Variants in PDE4D observed in about 807,000 individuals in gnomAD.
The protein encoded by PDE4D is 3',5'-cyclic-AMP phosphodiesterase 4D.
A neutral mutation model predicts 87.4 loss-of-function variants in PDE4D; 24 were observed. The observed-to-expected ratio is 0.27, with a 90% CI of 0.20 to 0.39. PDE4D has a LOEUF of 0.39. Among genes scored for constraint, PDE4D ranks in the 10% least tolerant of loss-of-function variants. The pLI is 1.00. For synonymous variants in PDE4D, 384 were observed against 383.2 expected (o/e 1.00, Z -0.02); for missense variants, 714 against 1,041.0 (o/e 0.69, Z 4.32).
chr5:59,680,486 A>C (rs1207931142), intron 1 of PDE4D, among the ~76,000 whole-genome samples: 1 of 152,190 alleles, frequency 6.6e-6, no homozygotes, highest in Non-Finnish European at 1.5e-5. Context: ...ATTCCAGATT[A>C]ATCGATTCAA....
intron 2 of PDE4D, among the ~76,000 whole-genome samples, chr5:60,102,836 C>A (rs541789565): frequency 9.9e-5 from 15 of 152,228 alleles, no homozygotes; most frequent in African/African-American, 3.4e-4. Context: ...CCATGACCAA[C>A]CAGAAGATAT....
intron 1 of PDE4D, among the ~76,000 whole-genome samples, chr5:59,290,191 A>T (rs1767749652): frequency 6.6e-6 from 1 of 152,040 alleles, no homozygotes; most frequent in African/African-American, 2.4e-5. Flanking sequence ...ATGAAACTAT[A>T]AAAGACTCAA....
intron 1 of PDE4D, among the ~76,000 whole-genome samples, chr5:59,352,047 G>A (rs904251738): frequency 6.6e-6 from 1 of 152,106 alleles, no homozygotes; most frequent in African/African-American, 2.4e-5. Flanking sequence ...TGCTCTGCCT[G>A]GTTTCCTCAT....
intron 2 of PDE4D, among the ~76,000 whole-genome samples, chr5:60,059,271 A>T (rs1035017349): frequency 2.6e-5 from 4 of 151,902 alleles, no homozygotes; most frequent in African/African-American, 9.7e-5. Flanking sequence ...TCTAGTAGCA[A>T]CTTCTCTAAT....
intron 5 of PDE4D, among the ~76,000 whole-genome samples, chr5:59,069,614 T>C (rs1041059637): frequency 7.9e-5 from 12 of 151,796 alleles, no homozygotes; most frequent in African/African-American, 2.9e-4. Flanking sequence ...CAGCTAGTAC[T>C]TGCAGAAAAT....
chr5:59,308,732 G>C (rs1242616625), intron 1 of PDE4D, among the ~76,000 whole-genome samples: 1 of 152,024 alleles, frequency 6.6e-6, no homozygotes, highest in Admixed American at 6.6e-5. Flanking sequence ...TTTTGTGCTG[G>C]CTGGTCTCCT....
At chr5:59,527,911 T>C (rs779094836) in intron 1 of PDE4D, among the ~76,000 whole-genome samples, 21 of 152,234 alleles carry the variant, frequency 1.4e-4, no homozygotes, top group Non-Finnish European at 1.9e-4. Context: ...TAAGAAAAAT[T>C]AGTTTTTTAT....
chr5:60,280,230 T>C (rs1562283670), intron 1 of PDE4D, among the ~76,000 whole-genome samples: 1 of 151,944 alleles, frequency 6.6e-6, no homozygotes, highest in African/African-American at 2.4e-5. Context: ...GCAATTAATA[T>C]GTTTTTCTTT....
At chr5:59,106,343 TTGAC>T (rs1489570629) in intron 5 of PDE4D, among the ~76,000 whole-genome samples, 4 of 152,242 alleles carry the variant, frequency 2.6e-5, no homozygotes, top group African/African-American at 9.6e-5. Flanking sequence ...GCTTATGTGT[TTGAC>T]TGATGATGTT....
chr5:59,441,612 G>A (rs1797626173), intron 1 of PDE4D, among the ~76,000 whole-genome samples: 1 of 152,168 alleles, frequency 6.6e-6, no homozygotes, highest in Admixed American at 6.5e-5. Flanking sequence ...CACCCCAGGT[G>A]TGATATGACG....
chr5:60,302,558 T>C (rs1753997744), intron 1 of PDE4D, among the ~76,000 whole-genome samples: 1 of 152,184 alleles, frequency 6.6e-6, no homozygotes, highest in Non-Finnish European at 1.5e-5. Context: ...TCCTTCTCTC[T>C]TTTATTCTTT....
chr5:59,467,822 A>C (rs1317734174), intron 1 of PDE4D, among the ~76,000 whole-genome samples: 1 of 152,232 alleles, frequency 6.6e-6, no homozygotes, highest in Non-Finnish European at 1.5e-5. Context: ...TCATTTATCC[A>C]GATTATACAC....
intron 1 of PDE4D, among the ~76,000 whole-genome samples, chr5:60,375,572 G>A (rs1761367215): frequency 6.6e-6 from 1 of 152,162 alleles, no homozygotes; most frequent in Admixed American, 6.5e-5. Flanking sequence ...GTGACTATGT[G>A]TAAATTTGAA....
At chr5:60,100,113 T>C (rs559627594) in intron 2 of PDE4D, among the ~76,000 whole-genome samples, 2 of 151,962 alleles carry the variant, frequency 1.3e-5, no homozygotes, top group African/African-American at 2.4e-5. Flanking sequence ...AAAAAATCTT[T>C]AGTATGTTTT....
intron 1 of PDE4D, among the ~76,000 whole-genome samples, chr5:59,343,297 T>C (rs1779070991): frequency 6.6e-6 from 1 of 152,182 alleles, no homozygotes; most frequent in East Asian, 1.9e-4. Flanking sequence ...AAATTTTATA[T>C]CCTCTGACCA....
At chr5:60,387,856 C>T (rs765244248) in intron 1 of PDE4D, among the ~76,000 whole-genome samples, 3 of 152,116 alleles carry the variant, frequency 2.0e-5, no homozygotes, top group Non-Finnish European at 4.4e-5. Context: ...AGCATCAGAT[C>T]CCATAGGTTG....
intron 2 of PDE4D, among the ~76,000 whole-genome samples, chr5:60,106,346 A>G (rs1385901562): frequency 8.6e-5 from 13 of 151,844 alleles, no homozygotes; most frequent in Non-Finnish European, 1.6e-4. Context: ...AGGAGCACCC[A>G]GATTCATAAA....
At chr5:59,583,988 G>A (rs1397098575) in intron 1 of PDE4D, among the ~76,000 whole-genome samples, 5 of 152,170 alleles carry the variant, frequency 3.3e-5, no homozygotes, top group African/African-American at 1.2e-4. Flanking sequence ...CTTAGCACTG[G>A]CCTGTTGCCA....
intron 1 of PDE4D, among the ~76,000 whole-genome samples, chr5:59,750,853 T>C (rs1325062794): frequency 6.0e-5 from 9 of 150,230 alleles, no homozygotes; most frequent in African/African-American, 2.2e-4. Flanking sequence ...GGAGGCCTCT[T>C]GAACCCAGAG....
Sources: allele counts gnomAD v4.1 joint callset (sites outside exome capture counted in the v4.1 genomes callset), GRCh38; gene constraint gnomAD v4.1.1; transcripts MANE v1.5; gene names NCBI Gene and HGNC (gene_info 2026-07-23, HGNC 2026-07-21).